Variants in C10orf67 observed in about 807,000 individuals in gnomAD.
The protein encoded by C10orf67 is chromosome 10 open reading frame 67.
Under a neutral mutation model 35.6 loss-of-function variants are expected in C10orf67, and 60 were observed. The ratio of observed to expected loss-of-function variants is 1.68; its 90% confidence interval spans 1.37 to 2.09. C10orf67 has a LOEUF of 2.09. Among genes scored for constraint, C10orf67 ranks in the 30% most tolerant of loss-of-function variants. C10orf67 has a pLI of 0.00. For synonymous variants in C10orf67, 167 were observed against 115.8 expected (o/e 1.44, Z -2.84); for missense variants, 474 against 330.2 (o/e 1.44, Z -3.38).
At chr10:23,245,865 G>A (rs1010658148) in intron 12 of C10orf67, among the ~76,000 whole-genome samples, 1 of 152,158 alleles carries the variant, frequency 6.6e-6, no homozygotes, top group African/African-American at 2.4e-5. Context: ...ATACCCAAAG[G>A]AGTATAAATT....
chr10:23,305,969 A>G (rs200237186), intron 4 of C10orf67, among the ~76,000 whole-genome samples: 51 of 148,042 alleles, frequency 3.4e-4, no homozygotes, highest in East Asian at 1.2e-3. Flanking sequence ...ACATACGCGC[A>G]CACACACACA....
intron 8 of C10orf67, among the ~76,000 whole-genome samples, chr10:23,274,410 T>C (rs1843120518): frequency 6.6e-6 from 1 of 152,018 alleles, no homozygotes; most frequent in South Asian, 2.1e-4. Flanking sequence ...AGACAGACAC[T>C]CCCAGAGCGG....
intron 13 of C10orf67, among the ~76,000 whole-genome samples, chr10:23,228,068 T>C (rs1481413370): frequency 1.3e-5 from 2 of 152,108 alleles, no homozygotes; most frequent in Non-Finnish European, 2.9e-5. Flanking sequence ...TGACTTTTTT[T>C]CACAAAACTG....
intron 9 of C10orf67, among the ~76,000 whole-genome samples, chr10:23,266,836 C>T (rs1379696081): frequency 6.6e-6 from 1 of 152,094 alleles, no homozygotes; most frequent in Non-Finnish European, 1.5e-5. Context: ...TTTTGGCTTT[C>T]GATTTCACTC....
chr10:23,223,546 A>G, intron 15 of C10orf67, 52 bp downstream of exon 15: 1 of 716,040 alleles, frequency 1.4e-6, no homozygotes, highest in South Asian at 1.5e-5. Context: ...GTTAATCTAG[A>G]CTAAGTAGCC....
At chr10:23,325,680 A>AT (rs1237236175) in intron 2 of C10orf67, among the ~76,000 whole-genome samples, 9 of 94,262 alleles carry the variant, frequency 9.5e-5, no homozygotes, top group Middle Eastern at 6.3e-3. Context: ...GATTATATAT[A>AT]TAAAAAAAAA....
intron 12 of C10orf67, among the ~76,000 whole-genome samples, chr10:23,245,918 AC>A (rs1277725922): frequency 6.6e-6 from 1 of 152,236 alleles, no homozygotes; most frequent in Non-Finnish European, 1.5e-5. Context: ...TCATTGCAGC[AC>A]TGTTCACAAT....
intron 10 of C10orf67, among the ~76,000 whole-genome samples, chr10:23,259,856 C>T (rs1448752570): frequency 1.3e-5 from 2 of 151,964 alleles, no homozygotes; most frequent in African/African-American, 2.4e-5. Context: ...AAAAAAAAGA[C>T]AACTCTCCAA....
At chr10:23,278,727 T>A (rs1564486764) in intron 8 of C10orf67, among the ~76,000 whole-genome samples, 1 of 152,090 alleles carries the variant, frequency 6.6e-6, no homozygotes, top group Non-Finnish European at 1.5e-5. Flanking sequence ...GCTAACCAGG[T>A]GCTGACCAAG....
chr10:23,293,290 CCT>C (rs1843778467), intron 5 of C10orf67, among the ~76,000 whole-genome samples: 1 of 152,188 alleles, frequency 6.6e-6, no homozygotes, highest in South Asian at 2.1e-4. Context: ...AACCACAACC[CCT>C]GTTCTTCCAA....
At chr10:23,232,878 T>G (rs1841949023) in intron 13 of C10orf67, among the ~76,000 whole-genome samples, 1 of 152,090 alleles carries the variant, frequency 6.6e-6, no homozygotes. Context: ...GTGTACATAA[T>G]GGGCATGGTG....
intron 2 of C10orf67, among the ~76,000 whole-genome samples, chr10:23,331,789 G>A (rs1457291202): frequency 1.3e-5 from 2 of 152,202 alleles, no homozygotes; most frequent in South Asian, 2.1e-4. Context: ...CATGTGAACC[G>A]TGTCTCAAAG....
At chr10:23,296,007 TTA>T (rs771683387) in intron 5 of C10orf67, among the ~76,000 whole-genome samples, 5 of 152,234 alleles carry the variant, frequency 3.3e-5, no homozygotes, top group Non-Finnish European at 5.9e-5. Flanking sequence ...GTTTGATTCA[TTA>T]TCTCTTATAA....
chr10:23,322,612 T>C, intron 2 of C10orf67, 75 bp from the exon 3 acceptor site: 4 of 946,064 alleles, frequency 4.2e-6, no homozygotes, highest in Non-Finnish European at 4.7e-6. Context: ...TGTCACTTGC[T>C]AAGTGGGAGC....
At chr10:23,304,577 A>G (rs368029153) in intron 4 of C10orf67, among the ~76,000 whole-genome samples, 1 of 151,996 alleles carries the variant, frequency 6.6e-6, no homozygotes, top group East Asian at 1.9e-4. Context: ...CTTGCCCAGG[A>G]GCCTGGCAGG....
intron 13 of C10orf67, among the ~76,000 whole-genome samples, chr10:23,228,103 T>G (rs1408241651): frequency 3.3e-5 from 5 of 152,152 alleles, no homozygotes; most frequent in African/African-American, 9.7e-5. Flanking sequence ...AAAGTTCATA[T>G]GGAACCAAAA....
intron 9 of C10orf67, among the ~76,000 whole-genome samples, chr10:23,266,746 T>C (rs546158007): frequency 4.6e-5 from 7 of 152,068 alleles, no homozygotes; most frequent in African/African-American, 1.7e-4. Flanking sequence ...GGCTTGTATC[T>C]AGGTAGGAAG....
At chr10:23,338,201 A>C (rs539559466) in intron 1 of C10orf67, among the ~76,000 whole-genome samples, 120 of 152,142 alleles carry the variant, frequency 7.9e-4, no homozygotes, top group African/African-American at 2.8e-3. Flanking sequence ...AAAATGACAC[A>C]CTCTGTGGAT....
chr10:23,293,715 A>T (rs2132266137), intron 5 of C10orf67, among the ~76,000 whole-genome samples: 1 of 152,370 alleles, frequency 6.6e-6, no homozygotes, highest in South Asian at 2.1e-4. Flanking sequence ...TATAAAAACT[A>T]GGGCTTCAGG....
Sources: gnomAD v4.1 joint callset for allele counts (sites outside exome capture counted in the v4.1 genomes callset) on GRCh38, gnomAD v4.1.1 for gene constraint, MANE v1.5 for transcripts, NCBI Gene and HGNC (gene_info 2026-07-23, HGNC 2026-07-21) for gene names.